The following TRPM1 variants were observed in gnomAD, a reference collection of about 807,000 sequenced individuals.
TRPM1 encodes the protein TRPM1-203 APA Isoform, Intron 10.
In TRPM1, 113 loss-of-function variants were observed where a neutral mutation model predicts 149.4. The observed-to-expected ratio is 0.76, with a 90% confidence interval of 0.65 to 0.88. TRPM1 has a LOEUF of 0.88. Ranked by LOEUF, TRPM1 falls within the 40% of genes least tolerant of loss-of-function variation. TRPM1 has a pLI of 0.00. For missense variants in TRPM1, 1,976 were observed against 2,038.7 expected, an observed-to-expected ratio of 0.97 and a Z score of 0.59; for synonymous variants, 741 against 759.5, an observed-to-expected ratio of 0.98 and a Z score of 0.40.
At chr15:31,113,793 G>A (rs189678770) in intron 1 of TRPM1, among the ~76,000 whole-genome samples, 4 of 152,258 alleles carry the variant, frequency 2.6e-5, no homozygotes, top group African/African-American at 9.6e-5. Flanking sequence ...AGGTGGCAAG[G>A]ACCCACAGTT....
chr15:31,031,025 A>G lies in TRPM1; in HGVS notation c.3085T>C (p.Tyr1029His). The G allele has an allele frequency of 6.2e-7, 1 of 1,614,210 alleles. No homozygotes were observed. The highest frequency in any genetic ancestry group is 8.5e-7 in the Non-Finnish European group (1 of 1,180,020). Residue 1029 changes from tyrosine (Y) to histidine (H), a missense_variant, in exon 23 of 28, where the codon TAC becomes CAC. Around this residue, in one of 3 missense-constraint regions of TRPM1, gnomAD observed 1,332 missense variants for 1,347.1 expected, o/e 0.99. Coordinates refer to ENST00000256552, the MANE Select transcript of TRPM1 (RefSeq NM_001252024.2). Reference protein sequence around the residue: ...KLARNIFYMPYWMIYGEVFAD... With the variant: ...KLARNIFYMPHWMIYGEVFAD... The stretch of plus-strand genomic sequence containing the variant: ...AACACCTCTCCATAGATCATCCAGT[A>G]GGGCATGTAGAAGATGTTTCGGGCC...
intron 1 of TRPM1, among the ~76,000 whole-genome samples, chr15:31,156,596 G>A: frequency 6.6e-6 from 1 of 152,078 alleles, no homozygotes; most frequent in Middle Eastern, 3.2e-3. Context: ...TATGTGACCT[G>A]TGGGCCACCC....
chr15:31,121,170 G>C (rs1481493207), intron 1 of TRPM1, among the ~76,000 whole-genome samples: 3 of 122,188 alleles, frequency 2.5e-5, no homozygotes, highest in Non-Finnish European at 4.7e-5. Context: ...ATGTTGCAGT[G>C]AACCAAGATG....
intron 27 of TRPM1, among the ~76,000 whole-genome samples, chr15:31,020,516 G>A (rs1206916511): frequency 2.0e-5 from 3 of 152,218 alleles, no homozygotes; most frequent in Non-Finnish European, 4.4e-5. Context: ...ACAAAGCCAT[G>A]TTATCTAATT....
rs1023253406 is a variant in TRPM1, at chr15:31,068,203, C to T, written c.280-111G>A. The T allele has an allele frequency of 1.4e-5, 13 of 960,562 alleles. No individual in the cohort carries two copies. In the South Asian group the frequency reaches 1.7e-4, roughly 13 times the overall value. 59.5% of individuals were successfully genotyped at this position (960,562 alleles called of 1,614,324 possible). A position where few individuals can be genotyped will look rare whatever the true frequency, so the allele number is the denominator to read the frequency against. ...GCAAGAACTGCCTGGCTTGTCTCTT[C>T]CTCAGGGCCCTGGAGCCCTCTGTGT... On this transcript the variant is annotated intron_variant, in intron 4 of 27. Coordinates refer to ENST00000256552, the MANE Select transcript of TRPM1 (RefSeq NM_001252024.2).
chr15:31,028,306 A>C (rs777094948), intron 25 of TRPM1, 26 bp downstream of exon 25: 14 of 1,613,940 alleles, frequency 8.7e-6, no homozygotes. Flanking sequence ...AATAATAAGC[A>C]TGTGGTCATC....
At chr15:31,014,791 T>C (rs1314324608) in intron 27 of TRPM1, among the ~76,000 whole-genome samples, 1 of 152,186 alleles carries the variant, frequency 6.6e-6, no homozygotes, top group Non-Finnish European at 1.5e-5. Flanking sequence ...GTTCATAACT[T>C]TATGGCATTA....
intron 1 of TRPM1, among the ~76,000 whole-genome samples, chr15:31,112,706 C>T (rs555819133): frequency 5.9e-5 from 9 of 152,226 alleles, no homozygotes; most frequent in African/African-American, 1.9e-4. Context: ...TCTCTAAACT[C>T]GGCCTCTTAG....
chr15:31,063,016 A>T, intron 8 of TRPM1, 102 bp downstream of exon 8: 1 of 1,481,250 alleles, frequency 6.8e-7, no homozygotes, highest in Non-Finnish European at 9.3e-7. Context: ...TTCCTGATTT[A>T]AACACGTTTG....
chr15:31,096,159 G>A (rs538364171), intron 1 of TRPM1, among the ~76,000 whole-genome samples: 35 of 151,892 alleles, frequency 2.3e-4, no homozygotes, highest in African/African-American at 7.0e-4. Flanking sequence ...AGGGAGGAAG[G>A]GAGGGAAAAA....
intron 27 of TRPM1, 76 bp downstream of exon 27, chr15:31,026,063 G>T: frequency 6.3e-7 from 1 of 1,586,878 alleles, no homozygotes; most frequent in Non-Finnish European, 8.6e-7. Context: ...ATGAACTCTG[G>T]CATCCCCCAT....
chr15:31,089,423 C>G (rs1449711912), intron 1 of TRPM1, among the ~76,000 whole-genome samples: 1 of 152,228 alleles, frequency 6.6e-6, no homozygotes. Flanking sequence ...TAGGATTTGG[C>G]TTGATGCCTA....
At chr15:31,010,938 A>G (rs967236951) in intron 27 of TRPM1, among the ~76,000 whole-genome samples, 2 of 152,152 alleles carry the variant, frequency 1.3e-5, no homozygotes, top group African/African-American at 4.8e-5. Context: ...TTCATATCTT[A>G]TGAGGCTCTG....
At chr15:31,044,164 G>GA (rs757447732) in intron 16 of TRPM1, among the ~76,000 whole-genome samples, 29 of 152,036 alleles carry the variant, frequency 1.9e-4, no homozygotes, top group Non-Finnish European at 2.9e-4. Context: ...AAATGCCTTA[G>GA]AAAAAACGAC....
chr15:31,140,356 G>A (rs2036145299), intron 1 of TRPM1, among the ~76,000 whole-genome samples: 1 of 151,790 alleles, frequency 6.6e-6, no homozygotes, highest in South Asian at 2.1e-4. Flanking sequence ...TGCAGCCTGG[G>A]CGACAGAGAG....
At chr15:31,018,693 T>C (rs920155942) in intron 27 of TRPM1, among the ~76,000 whole-genome samples, 10 of 152,066 alleles carry the variant, frequency 6.6e-5, no homozygotes, top group Non-Finnish European at 1.0e-4. Context: ...TGAGACAGAG[T>C]CTCACTCTGT....
At chr15:31,032,648 G>C in intron 22 of TRPM1, 41 bp downstream of exon 22, 1 of 1,613,920 alleles carries the variant, frequency 6.2e-7, no homozygotes, top group Non-Finnish European at 8.5e-7. Flanking sequence ...CCTAACTACA[G>C]CCAAAGTCTC....
intron 1 of TRPM1, among the ~76,000 whole-genome samples, chr15:31,115,298 A>G (rs574101482): frequency 4.6e-5 from 7 of 152,148 alleles, no homozygotes; most frequent in Admixed American, 4.6e-4. Flanking sequence ...AAAATAAAAC[A>G]GATTTGGAAT....
chr15:31,118,925 T>C (rs1362707226), intron 1 of TRPM1, among the ~76,000 whole-genome samples: 2 of 152,056 alleles, frequency 1.3e-5, no homozygotes, highest in Non-Finnish European at 2.9e-5. Flanking sequence ...AAGCATTCAG[T>C]CCGTTGCATG....
Sources: gnomAD v4.1 joint callset for allele counts (sites outside exome capture counted in the v4.1 genomes callset) on GRCh38, gnomAD v4.1.1 for gene constraint, gnomAD v4.1.1 regional missense constraint, MANE v1.5 for transcripts, NCBI Gene and HGNC (gene_info 2026-07-23, HGNC 2026-07-21) for gene names.